The following PDGFC variants were observed in gnomAD, a reference collection of about 807,000 sequenced individuals.
PDGFC encodes the protein platelet-derived growth factor C.
PDGFC carries 12 observed loss-of-function variants against 35.5 expected under a neutral mutation model. The ratio of observed to expected loss-of-function variants is 0.34; its 90% CI spans 0.22 to 0.55. The LOEUF is 0.55. Among genes scored for constraint, PDGFC ranks in the 20% least tolerant of loss-of-function variants. PDGFC has a pLI of 0.91. For synonymous variants in PDGFC, 159 were observed against 148.8 expected, an observed-to-expected ratio of 1.07 and a Z score of -0.50; for missense variants, 322 against 412.4, an observed-to-expected ratio of 0.78 and a Z score of 1.90.
chr4:156,857,683 C>T (rs988328997), intron 1 of PDGFC, among the ~76,000 whole-genome samples: 1 of 152,064 alleles, frequency 6.6e-6, no homozygotes, highest in Non-Finnish European at 1.5e-5. Context: ...GAATAAAGGT[C>T]GAACTGACCC....
chr4:156,894,518 C>T (rs531586622), intron 1 of PDGFC, among the ~76,000 whole-genome samples: 1 of 152,200 alleles, frequency 6.6e-6, no homozygotes, highest in African/African-American at 2.4e-5. Flanking sequence ...GTTTATAATA[C>T]AATTTTAAAA....
intron 1 of PDGFC, among the ~76,000 whole-genome samples, chr4:156,947,929 T>C (rs1383286811): frequency 1.3e-5 from 2 of 151,924 alleles, no homozygotes; most frequent in Admixed American, 1.3e-4. Flanking sequence ...ATTCTATGCC[T>C]AGAAAGGGAA....
intron 3 of PDGFC, among the ~76,000 whole-genome samples, chr4:156,793,060 A>T (rs1731339564): frequency 6.6e-6 from 1 of 152,190 alleles, no homozygotes; most frequent in South Asian, 2.1e-4. Context: ...TAACTTCAAC[A>T]AGCTGTCTAT....
chr4:156,964,002 G>A (rs1207178196), intron 1 of PDGFC, among the ~76,000 whole-genome samples: 1 of 146,818 alleles, frequency 6.8e-6, no homozygotes, highest in Non-Finnish European at 1.5e-5. Flanking sequence ...AAAAAAACTT[G>A]AACTTCTGAA....
At chr4:156,922,104 A>T (rs944694024) in intron 1 of PDGFC, among the ~76,000 whole-genome samples, 7 of 152,034 alleles carry the variant, frequency 4.6e-5, no homozygotes, top group Non-Finnish European at 7.4e-5. Context: ...TATTGTAAGG[A>T]GCAAAGAAGA....
intron 1 of PDGFC, among the ~76,000 whole-genome samples, chr4:156,864,055 A>G (rs2111121703): frequency 6.6e-6 from 1 of 152,162 alleles, no homozygotes; most frequent in East Asian, 1.9e-4. Context: ...TAACTACTGT[A>G]TCTCCTAACA....
chr4:156,916,977 G>A (rs1731168286), intron 1 of PDGFC, among the ~76,000 whole-genome samples: 2 of 152,170 alleles, frequency 1.3e-5, no homozygotes, highest in African/African-American at 4.8e-5. Flanking sequence ...CACAGGTTCT[G>A]TGAACCAGCT....
At chr4:156,963,631 C>G (rs142806292) in intron 1 of PDGFC, among the ~76,000 whole-genome samples, 1 of 152,042 alleles carries the variant, frequency 6.6e-6, no homozygotes, top group Non-Finnish European at 1.5e-5. Context: ...GGCAAATAAC[C>G]GTCCAGGGAG....
At chr4:156,796,802 T>G (rs551664289) in intron 3 of PDGFC, among the ~76,000 whole-genome samples, 1 of 152,228 alleles carries the variant, frequency 6.6e-6, no homozygotes, top group Admixed American at 6.5e-5. Context: ...ATACTATCAT[T>G]ATTACTATGG....
At chr4:156,866,151 C>CTGTG (rs1019485542) in intron 1 of PDGFC, among the ~76,000 whole-genome samples, 1 of 152,076 alleles carries the variant, frequency 6.6e-6, no homozygotes, top group African/African-American at 2.4e-5. Flanking sequence ...GTCCCCCTTC[C>CTGTG]TGTGTCCATG....
intron 1 of PDGFC, among the ~76,000 whole-genome samples, chr4:156,870,548 A>G (rs1246987484): frequency 6.6e-6 from 1 of 152,126 alleles, no homozygotes; most frequent in Non-Finnish European, 1.5e-5. Context: ...TGAACAAAGT[A>G]TTATCCCTGT....
chr4:156,768,202 C>T (rs868115380), intron 4 of PDGFC, among the ~76,000 whole-genome samples: 9 of 151,564 alleles, frequency 5.9e-5, no homozygotes, highest in African/African-American at 1.5e-4. Context: ...TATGACTTAG[C>T]GACCAGTAAA....
Position 156,806,492 on chromosome 4 carries a change from T to C in PDGFC, c.495+4345A>G, listed in dbSNP as rs181193095. 9.7e-3 allele frequency among the ~76,000 whole-genome samples: 1,471 copies of C among 152,092 alleles called. 22 individuals carry two copies. Among genetic ancestry groups the C allele is most frequent in the African/African-American group, 0.033 (1,366 of 41,496 alleles). The stretch of plus-strand genomic sequence containing the variant: ...AATCAGTGGTAATCATTTTTCATAA[T>C]GTTAACCAAATTGGAGGGAGAATAA... On this transcript the variant is annotated intron_variant, in intron 3 of 5. Coordinates refer to ENST00000502773, the MANE Select transcript of PDGFC (RefSeq NM_016205.3).
chr4:156,937,663 T>C (rs1731715703), intron 1 of PDGFC, among the ~76,000 whole-genome samples: 1 of 152,216 alleles, frequency 6.6e-6, no homozygotes, highest in Admixed American at 6.5e-5. Context: ...ATCGTGCTAC[T>C]GCAACCTAAC....
chr4:156,934,449 T>C (rs1219594442), intron 1 of PDGFC, among the ~76,000 whole-genome samples: 1 of 152,150 alleles, frequency 6.6e-6, no homozygotes, highest in Non-Finnish European at 1.5e-5. Flanking sequence ...TCTCAGTGAG[T>C]CAGTGAGTGA....
intron 1 of PDGFC, among the ~76,000 whole-genome samples, chr4:156,875,892 A>C (rs1456176193): frequency 6.6e-6 from 1 of 152,160 alleles, no homozygotes; most frequent in Non-Finnish European, 1.5e-5. Context: ...GGGGGAAAAA[A>C]AGTGATTTCG....
chr4:156,965,141 T>C (rs1732435756), intron 1 of PDGFC, among the ~76,000 whole-genome samples: 1 of 152,180 alleles, frequency 6.6e-6, no homozygotes, highest in African/African-American at 2.4e-5. Flanking sequence ...TACCAATACA[T>C]GAACAAGCTA....
At chr4:156,837,658 CT>C (rs1381664461) in intron 2 of PDGFC, among the ~76,000 whole-genome samples, 1 of 152,070 alleles carries the variant, frequency 6.6e-6, no homozygotes, top group Non-Finnish European at 1.5e-5. Context: ...ATAAACTCTT[CT>C]AATTGATGCA....
intron 2 of PDGFC, chr4:156,842,317 C>G (rs1729223960): frequency 1.3e-5 from 2 of 149,290 alleles, no homozygotes; most frequent in Admixed American, 1.3e-4. Flanking sequence ...AGACCGATAA[C>G]AAAGAAAAAA....
Sources: allele counts gnomAD v4.1 joint callset (sites outside exome capture counted in the v4.1 genomes callset), GRCh38; gene constraint gnomAD v4.1.1; transcripts MANE v1.5; gene names NCBI Gene and HGNC (gene_info 2026-07-23, HGNC 2026-07-21).